The following LANCL1 variants were observed in gnomAD, a reference collection of about 807,000 sequenced individuals.
The protein encoded by LANCL1 is LanC like glutathione S-transferase 1.
A neutral mutation model predicts 50.6 loss-of-function variants in LANCL1; 50 were observed. That is an observed-to-expected ratio of 0.99 (90% confidence interval 0.79 to 1.25). LANCL1 has a LOEUF of 1.25. LANCL1 is among the 50% of genes most tolerant of loss of function. The pLI is 0.00. For missense variants in LANCL1, 532 were observed against 480.7 expected, an observed-to-expected ratio of 1.11 and a Z score of -1.00; for synonymous variants, 188 against 178.6, an observed-to-expected ratio of 1.05 and a Z score of -0.42.
chr2:210,432,784 C>T lies in LANCL1; in HGVS notation c.*1703G>A, dbSNP rs1692790787. On this transcript the variant is annotated 3_prime_UTR_variant, in exon 10 of 10. Coordinates refer to ENST00000450366, the MANE Select transcript of LANCL1 (RefSeq NM_006055.3). Reference sequence around the variant, plus strand: ...AAGTGCTGATATCGCTGATTGAAAACTTTCACAAGAAAGGCAGAGCATGCA... The same window carrying T: ...AAGTGCTGATATCGCTGATTGAAAATTTTCACAAGAAAGGCAGAGCATGCA... 6.6e-6 allele frequency: 1 copy of T among 152,154 alleles called. No individual in the cohort carries two copies. The highest frequency in any genetic ancestry group is 1.9e-4 in the East Asian group (1 of 5,200). The allele number at this position is 152,154 out of a possible 1,614,324, so 9.4% of individuals were successfully genotyped here. A position where few individuals can be genotyped will look rare whatever the true frequency, so the allele number is the denominator to read the frequency against.
At chr2:210,437,421 T>C (rs1248320132) in intron 7 of LANCL1, among the ~76,000 whole-genome samples, 2 of 152,136 alleles carry the variant, frequency 1.3e-5, no homozygotes, top group Admixed American at 6.5e-5. Flanking sequence ...TTCTTTCGAG[T>C]ACACACCTAG....
At position 210,431,909 on chromosome 2, in the gene LANCL1, A is replaced by C. The variant is rs991073739; in HGVS notation, c.*2578T>G. 1 of 152,234 alleles carries C rather than the reference A, an allele frequency of 6.6e-6. No homozygotes were observed. The allele number at this position is 152,234 out of a possible 1,614,324, so 9.4% of individuals were successfully genotyped here. A position where few individuals can be genotyped will look rare whatever the true frequency, so the allele number is the denominator to read the frequency against. On this transcript the variant is annotated 3_prime_UTR_variant, in exon 10 of 10. Transcript: ENST00000450366. Reference sequence around the variant, plus strand: ...ATTTGCAATTTCTAAATTACTATAGAAACAGAAACATGTGACAGGATAAAT... The same window carrying C: ...ATTTGCAATTTCTAAATTACTATAGCAACAGAAACATGTGACAGGATAAAT...
chr2:210,470,552 T>C (rs761293068), intron 3 of LANCL1, among the ~76,000 whole-genome samples: 10 of 152,214 alleles, frequency 6.6e-5, no homozygotes, highest in Non-Finnish European at 1.3e-4. Context: ...ATCCCAAATC[T>C]GAACATCGGT....
rs1208752477 is a variant in LANCL1, at chr2:210,434,174, T to C, written c.*313A>G. 1 of 213,214 alleles carries C rather than the reference T, an allele frequency of 4.7e-6. No homozygotes were observed. Among genetic ancestry groups the C allele is most frequent in the Non-Finnish European group, 9.2e-6 (1 of 108,224 alleles). The allele number at this position is 213,214 out of a possible 1,614,324, so 13.2% of individuals were successfully genotyped here. A position where few individuals can be genotyped will look rare whatever the true frequency, so the allele number is the denominator to read the frequency against. On this transcript the variant is annotated 3_prime_UTR_variant, in exon 10 of 10. Transcript: ENST00000450366. ...TTTTTAGAACAGTAACAGATGGTTA[T>C]ATTCATAAACTTAAATAAGATTTCC...
chr2:210,477,505 A>T, upstream of LANCL1: 3 of 1,279,956 alleles, frequency 2.3e-6, no homozygotes, highest in Non-Finnish European at 3.0e-6. Context: ...TCAGTTAAAA[A>T]GTCAGCCTCA....
chr2:210,470,572 T>G (rs1694196143), intron 3 of LANCL1, among the ~76,000 whole-genome samples: 1 of 152,212 alleles, frequency 6.6e-6, no homozygotes, highest in Non-Finnish European at 1.5e-5. Flanking sequence ...TAATCCTAAA[T>G]GCTCGATGAA....
chr2:210,443,332 G>GATTTCCCT lies in LANCL1; in HGVS notation c.408-1890_408-1889insAGGGAAAT, dbSNP rs1304218146. On this transcript the variant is annotated intron_variant, in intron 4 of 9. Coordinates refer to ENST00000450366, the MANE Select transcript of LANCL1 (RefSeq NM_006055.3). ...TAGATGTTTTGTCACATGAAATTTTGAAGTGCATCTCAATCATCCCTAAAT... is the reference window on the plus strand; with the variant it reads ...TAGATGTTTTGTCACATGAAATTTTGATTTCCCTAAGTGCATCTCAATCATCCCTAAAT... Among the ~76,000 whole-genome samples, 81 of 152,264 alleles carry GATTTCCCT rather than the reference G, an allele frequency of 5.3e-4. 1 individual carries two copies. The East Asian group carries it at 0.013, about 24-fold the overall frequency.
chr2:210,456,170 C>T (rs1332516355), intron 3 of LANCL1, among the ~76,000 whole-genome samples: 1 of 152,150 alleles, frequency 6.6e-6, no homozygotes, highest in Non-Finnish European at 1.5e-5. Context: ...AGCCTGCCTG[C>T]CTGCCTGCAG....
intron 6 of LANCL1, among the ~76,000 whole-genome samples, chr2:210,438,291 C>T (rs971488889): frequency 2.0e-5 from 3 of 151,990 alleles, no homozygotes; most frequent in Non-Finnish European, 4.4e-5. Flanking sequence ...CCTGTCACCA[C>T]GCCTGGCTAA....
chr2:210,475,270 T>C (rs1402824262), intron 2 of LANCL1, among the ~76,000 whole-genome samples: 2 of 152,208 alleles, frequency 1.3e-5, no homozygotes, highest in Non-Finnish European at 2.9e-5. Context: ...TTCAAAGAAA[T>C]AAACTGGTAA....
chr2:210,446,740 C>T (rs1462497524), intron 4 of LANCL1, among the ~76,000 whole-genome samples: 1 of 151,398 alleles, frequency 6.6e-6, no homozygotes, highest in Non-Finnish European at 1.5e-5. Flanking sequence ...ATTGATCAAG[C>T]AGAAGAAAGG....
chr2:210,437,923 T>C (rs775274877), intron 6 of LANCL1, 51 bp from the exon 7 acceptor site: 1 of 1,307,056 alleles, frequency 7.7e-7, no homozygotes, highest in Admixed American at 2.3e-5. Context: ...TAAACCTTCC[T>C]AGGTCTCAGT....
chr2:210,435,656 G>A (rs950569940), intron 8 of LANCL1, among the ~76,000 whole-genome samples, 197 bp from the exon 9 acceptor site: 3 of 152,130 alleles, frequency 2.0e-5, no homozygotes, highest in African/African-American at 4.8e-5. Context: ...TCTGAGTCAC[G>A]TATCTACAAG....
At chr2:210,435,023 C>T (rs1454611547) in intron 9 of LANCL1, among the ~76,000 whole-genome samples, 1 of 152,076 alleles carries the variant, frequency 6.6e-6, no homozygotes, top group Non-Finnish European at 1.5e-5. Context: ...AAGAATGGAG[C>T]CAGACAAGTT....
rs538895284 is a variant in LANCL1, at chr2:210,433,657, T to C, written c.*830A>G. 1.1e-4 allele frequency: 16 copies of C among 152,282 alleles called. No homozygotes were observed. The highest frequency in any genetic ancestry group is 3.6e-4 in the African/African-American group (15 of 41,562). 9.4% of individuals were successfully genotyped at this position (152,282 alleles called of 1,614,324 possible). A position where few individuals can be genotyped will look rare whatever the true frequency, so the allele number is the denominator to read the frequency against. ...TAAAGCATATTCATACATAGAAAAT[T>C]GGCTTCCTGATCTTATTTGAATACT... On this transcript the variant is annotated 3_prime_UTR_variant, in exon 10 of 10. Coordinates refer to ENST00000450366, the MANE Select transcript of LANCL1 (RefSeq NM_006055.3).
At chr2:210,435,778 C>T (rs74561492) in intron 8 of LANCL1, among the ~76,000 whole-genome samples, 4,111 of 151,876 alleles carry the variant, frequency 0.027, 92 homozygotes, top group Non-Finnish European at 0.042. Context: ...AATTGAAAGG[C>T]TTTTCAAGGT....
At chr2:210,472,131 G>A in intron 2 of LANCL1, 55 bp from the exon 3 acceptor site, 1 of 1,161,914 alleles carries the variant, frequency 8.6e-7, no homozygotes, top group Non-Finnish European at 1.3e-6. Flanking sequence ...CAGCTTGCTG[G>A]ACTATAAGCT....
At chr2:210,458,987 C>T (rs1478735108) in intron 3 of LANCL1, among the ~76,000 whole-genome samples, 1 of 152,038 alleles carries the variant, frequency 6.6e-6, no homozygotes, top group Non-Finnish European at 1.5e-5. Flanking sequence ...CAAGTGTATT[C>T]TTGGGCTTAA....
intron 4 of LANCL1, among the ~76,000 whole-genome samples, chr2:210,448,414 C>T (rs917993918): frequency 9.9e-5 from 15 of 151,972 alleles, no homozygotes; most frequent in South Asian, 4.2e-4. Context: ...GATCTAAAAT[C>T]GACACCTTAA....
Sources: gnomAD v4.1 joint callset for allele counts (sites outside exome capture counted in the v4.1 genomes callset) on GRCh38, gnomAD v4.1.1 for gene constraint, MANE v1.5 for transcripts, NCBI Gene and HGNC (gene_info 2026-07-23, HGNC 2026-07-21) for gene names.